The following CTNNA3 variants were observed in gnomAD, a reference collection of about 807,000 sequenced individuals.
CTNNA3 encodes catenin alpha 3, also known as catenin alpha-3.
Under a neutral mutation model 95.7 loss-of-function variants are expected in CTNNA3, and 76 were observed. The ratio of observed to expected loss-of-function variants is 0.79; its 90% CI spans 0.66 to 0.96. The LOEUF (loss-of-function observed/expected upper bound fraction) is 0.96. Among genes scored for constraint, CTNNA3 ranks in the 40% least tolerant of loss-of-function variants. CTNNA3 has a pLI of 0.00. For missense variants in CTNNA3, 1,191 were observed against 1,089.8 expected (o/e 1.09, Z -1.31); for synonymous variants, 431 against 374.4 (o/e 1.15, Z -1.74).
chr10:66,260,957 C>A (rs1195670382), intron 13 of CTNNA3, among the ~76,000 whole-genome samples: 2 of 152,062 alleles, frequency 1.3e-5, no homozygotes, highest in Non-Finnish European at 2.9e-5. Context: ...TGAGTCTTCA[C>A]CCTGTTGGAA....
intron 7 of CTNNA3, among the ~76,000 whole-genome samples, chr10:66,881,989 C>A (rs1310348774): frequency 6.6e-6 from 1 of 152,076 alleles, no homozygotes; most frequent in Non-Finnish European, 1.5e-5. Flanking sequence ...TAACAAATGA[C>A]CTTCTCGAGT....
chr10:66,361,460 C>T (rs1266214087), intron 12 of CTNNA3, among the ~76,000 whole-genome samples: 1 of 141,760 alleles, frequency 7.1e-6, no homozygotes, highest in Non-Finnish European at 1.5e-5. Context: ...CTTTCTTTAT[C>T]TTTCTCTTTC....
intron 13 of CTNNA3, among the ~76,000 whole-genome samples, chr10:66,175,272 T>A (rs891144380): frequency 1.3e-5 from 2 of 152,158 alleles, no homozygotes; most frequent in African/African-American, 4.8e-5. Context: ...GCAAGGAGTG[T>A]ATATATCTCT....
intron 10 of CTNNA3, among the ~76,000 whole-genome samples, chr10:66,533,022 G>C (rs1218782711): frequency 6.6e-6 from 1 of 152,066 alleles, no homozygotes; most frequent in Non-Finnish European, 1.5e-5. Context: ...AACTGAGGTA[G>C]CTTTAGTTCT....
chr10:67,633,768 C>G (rs980135966), intron 2 of CTNNA3, among the ~76,000 whole-genome samples: 1 of 151,866 alleles, frequency 6.6e-6, no homozygotes, highest in African/African-American at 2.4e-5. Flanking sequence ...AGCAGGAAGA[C>G]AAGATTAGAG....
intron 7 of CTNNA3, among the ~76,000 whole-genome samples, chr10:66,936,514 T>C (rs190020523): frequency 2.0e-3 from 307 of 152,308 alleles, no homozygotes; most frequent in Admixed American, 3.4e-3. Context: ...TGTTGTTTTC[T>C]GCCTGCAGAT....
chr10:66,112,777 C>A (rs2082166379), intron 13 of CTNNA3, among the ~76,000 whole-genome samples: 1 of 151,814 alleles, frequency 6.6e-6, no homozygotes, highest in Admixed American at 6.6e-5. Flanking sequence ...CCAAGGTTCA[C>A]ACTTGTCGTT....
chr10:66,718,047 C>A (rs1275583202), intron 9 of CTNNA3, among the ~76,000 whole-genome samples: 2 of 151,988 alleles, frequency 1.3e-5, no homozygotes, highest in African/African-American at 4.8e-5. Flanking sequence ...AAACAAAAGC[C>A]AACAAGTTGT....
chr10:66,878,434 T>A (rs1415062193), intron 7 of CTNNA3, among the ~76,000 whole-genome samples: 2 of 152,128 alleles, frequency 1.3e-5, no homozygotes, highest in African/African-American at 4.8e-5. Context: ...ATTCCATTTT[T>A]CCCCAGCACG....
intron 10 of CTNNA3, among the ~76,000 whole-genome samples, chr10:66,539,294 T>C (rs1290658254): frequency 2.6e-5 from 4 of 152,150 alleles, no homozygotes. Context: ...GGCAAATGGC[T>C]ACATTCCCAT....
At position 67,340,513 on chromosome 10, in the gene CTNNA3, G is replaced by A. The variant is rs1375714620; in HGVS notation, c.580-120643C>T. 3.9e-5 allele frequency among the ~76,000 whole-genome samples: 6 copies of A among 152,258 alleles called. No homozygotes were observed. In the East Asian group the frequency reaches 1.2e-3, roughly 29 times the overall value. ...AGGTTCAAAAAATGATTTCATAATT[G>A]TTTTACTTAAGACTAACAGGCAAAG... is the stretch of plus-strand genomic sequence containing the variant. On this transcript the variant is annotated intron_variant, in intron 5 of 17. Coordinates refer to ENST00000433211, the MANE Select transcript of CTNNA3 (RefSeq NM_013266.4).
chr10:66,640,105 C>T (rs908780158), intron 9 of CTNNA3, among the ~76,000 whole-genome samples: 1 of 152,122 alleles, frequency 6.6e-6, no homozygotes, highest in African/African-American at 2.4e-5. Context: ...AGTAAATACA[C>T]AAAATACACA....
intron 11 of CTNNA3, among the ~76,000 whole-genome samples, chr10:66,380,842 A>G (rs983984028): frequency 6.6e-6 from 1 of 151,942 alleles, no homozygotes; most frequent in African/African-American, 2.4e-5. Flanking sequence ...CCAGAAGCCA[A>G]AACACTAAAT....
At chr10:66,599,857 A>G (rs1308814356) in intron 10 of CTNNA3, among the ~76,000 whole-genome samples, 2 of 151,968 alleles carry the variant, frequency 1.3e-5, no homozygotes, top group African/African-American at 4.8e-5. Context: ...AAAAATATTC[A>G]ATAGCACCTA....
chr10:66,429,916 GA>G (rs1564954863), intron 11 of CTNNA3, among the ~76,000 whole-genome samples: 1 of 151,500 alleles, frequency 6.6e-6, no homozygotes, highest in African/African-American at 2.4e-5. Context: ...AATCAGGCAG[GA>G]GAAGGAAATA....
chr10:67,386,274 C>T (rs1422562267), intron 5 of CTNNA3, among the ~76,000 whole-genome samples: 3 of 152,266 alleles, frequency 2.0e-5, no homozygotes, highest in South Asian at 2.1e-4. Context: ...TTTATAATTA[C>T]ACATTGAATT....
At chr10:66,442,806 G>A (rs1334725479) in intron 11 of CTNNA3, among the ~76,000 whole-genome samples, 2 of 150,930 alleles carry the variant, frequency 1.3e-5, no homozygotes, top group Non-Finnish European at 2.9e-5. Flanking sequence ...CCAGACAGTG[G>A]GTGCAGGACA....
intron 17 of CTNNA3, among the ~76,000 whole-genome samples, chr10:65,961,559 G>T (rs1193979164): frequency 1.3e-5 from 2 of 151,960 alleles, no homozygotes; most frequent in African/African-American, 2.4e-5. Flanking sequence ...CTGTGATTTT[G>T]GTAATCATAG....
chr10:67,391,787 A>G (rs1442607909), intron 5 of CTNNA3, among the ~76,000 whole-genome samples: 1 of 151,080 alleles, frequency 6.6e-6, no homozygotes, highest in Admixed American at 6.6e-5. Flanking sequence ...CAAACCTGAG[A>G]AAAACAAGCA....
Sources: allele counts gnomAD v4.1 joint callset (sites outside exome capture counted in the v4.1 genomes callset), GRCh38; gene constraint gnomAD v4.1.1; transcripts MANE v1.5; gene names NCBI Gene and HGNC (gene_info 2026-07-23, HGNC 2026-07-21).